MACROD2: variants seen among roughly 807,000 people sequenced by gnomAD.
The protein encoded by MACROD2 is mono-ADP ribosylhydrolase 2.
A neutral mutation model predicts 70.4 loss-of-function variants in MACROD2; 36 were observed. That is an observed-to-expected ratio of 0.51 (90% CI 0.39 to 0.68). MACROD2 has a LOEUF of 0.68. Ranked by LOEUF, MACROD2 falls within the 30% of genes least tolerant of loss-of-function variation. The pLI is 0.00. For synonymous variants in MACROD2, 172 were observed against 178.8 expected (o/e 0.96, Z 0.30); for missense variants, 496 against 538.4 (o/e 0.92, Z 0.78).
At chr20:15,500,032 G>A (rs1254187236) in intron 8 of MACROD2, among the ~76,000 whole-genome samples, 185 bp downstream of exon 8, 1 of 152,150 alleles carries the variant, frequency 6.6e-6, no homozygotes, top group Non-Finnish European at 1.5e-5. Context: ...ATAGAATGCA[G>A]CAACTCTATT....
At chr20:15,595,903 T>C (rs1252237741) in intron 8 of MACROD2, among the ~76,000 whole-genome samples, 1 of 152,194 alleles carries the variant, frequency 6.6e-6, no homozygotes, top group East Asian at 1.9e-4. Flanking sequence ...AATTTAATAC[T>C]TAAAAACCCA....
At chr20:15,323,671 T>A (rs2077896300) in intron 6 of MACROD2, among the ~76,000 whole-genome samples, 1 of 152,168 alleles carries the variant, frequency 6.6e-6, no homozygotes, top group Non-Finnish European at 1.5e-5. Flanking sequence ...TTGCATTCTG[T>A]CTAATTGATT....
intron 8 of MACROD2, among the ~76,000 whole-genome samples, chr20:15,849,826 C>T (rs1291186550): frequency 4.6e-5 from 7 of 152,008 alleles, no homozygotes; most frequent in East Asian, 3.9e-4. Context: ...GTGACATGAG[C>T]GCTGCATGTG....
intron 5 of MACROD2, among the ~76,000 whole-genome samples, chr20:14,907,647 C>T (rs140304079): frequency 2.6e-5 from 4 of 152,132 alleles, no homozygotes; most frequent in East Asian, 3.9e-4. Flanking sequence ...GAATAGAAAG[C>T]GCAAAGACAA....
At chr20:16,048,049 T>A (rs2067407893) in intron 17 of MACROD2, among the ~76,000 whole-genome samples, 1 of 152,186 alleles carries the variant, frequency 6.6e-6, no homozygotes, top group Non-Finnish European at 1.5e-5. Flanking sequence ...CATGCAGTAA[T>A]AAACAAATTG....
intron 3 of MACROD2, among the ~76,000 whole-genome samples, chr20:14,196,146 A>C (rs2081430431): frequency 6.6e-6 from 1 of 152,032 alleles, no homozygotes; most frequent in Non-Finnish European, 1.5e-5. Context: ...CCCCCATCAC[A>C]CTGCCCTGTG....
At chr20:15,868,816 C>G (rs993428102) in intron 9 of MACROD2, among the ~76,000 whole-genome samples, 9 of 152,032 alleles carry the variant, frequency 5.9e-5, no homozygotes, top group Admixed American at 5.9e-4. Flanking sequence ...ACTCTGTCAT[C>G]TAGACTGGAG....
At chr20:15,168,003 C>G (rs2076397130) in intron 5 of MACROD2, among the ~76,000 whole-genome samples, 1 of 152,172 alleles carries the variant, frequency 6.6e-6, no homozygotes, top group African/African-American at 2.4e-5. Context: ...CCCCACACCT[C>G]TCTCAATCAT....
chr20:14,965,579 G>A (rs2074628212), intron 5 of MACROD2, among the ~76,000 whole-genome samples: 1 of 141,478 alleles, frequency 7.1e-6, no homozygotes, highest in South Asian at 2.3e-4. Context: ...TCCTGACTCA[G>A]CCTCCCTAGT....
At chr20:16,035,144 TATATATAAA>T (rs2067212997) in intron 15 of MACROD2, among the ~76,000 whole-genome samples, 1 of 40,366 alleles carries the variant, frequency 2.5e-5, no homozygotes, top group African/African-American at 5.9e-5. Context: ...TATTATATAT[TATATATAAA>T]ATATAATATA....
intron 5 of MACROD2, among the ~76,000 whole-genome samples, chr20:15,137,604 A>G (rs2076159605): frequency 1.3e-5 from 2 of 150,486 alleles, no homozygotes; most frequent in African/African-American, 4.9e-5. Context: ...GATATACCTA[A>G]TGCTACATGA....
At chr20:15,437,131 C>A (rs917706343) in intron 7 of MACROD2, among the ~76,000 whole-genome samples, 14 of 152,070 alleles carry the variant, frequency 9.2e-5, no homozygotes, top group African/African-American at 3.4e-4. Context: ...TTTATATATG[C>A]CTTTTCCTTT....
chr20:14,432,887 T>G (rs1288914987), intron 3 of MACROD2, among the ~76,000 whole-genome samples: 1 of 152,168 alleles, frequency 6.6e-6, no homozygotes, highest in African/African-American at 2.4e-5. Flanking sequence ...GGTGCAACTT[T>G]GAAGAATTGC....
At chr20:15,074,367 C>G (rs1389807203) in intron 5 of MACROD2, among the ~76,000 whole-genome samples, 1 of 152,162 alleles carries the variant, frequency 6.6e-6, no homozygotes, top group African/African-American at 2.4e-5. Context: ...CAGGGAGCTT[C>G]CAGATAGCTG....
chr20:15,644,082 C>A (rs931743653), intron 8 of MACROD2, among the ~76,000 whole-genome samples: 1 of 152,080 alleles, frequency 6.6e-6, no homozygotes, highest in East Asian at 1.9e-4. Context: ...TAACTCAGGG[C>A]AGGAATGTGC....
chr20:15,039,964 T>C (rs558434050), intron 5 of MACROD2, among the ~76,000 whole-genome samples: 3 of 152,258 alleles, frequency 2.0e-5, no homozygotes, highest in South Asian at 4.1e-4. Context: ...CACTTGTTAT[T>C]AAGGGGTCGA....
chr20:14,790,946 C>G (rs1424547628), intron 5 of MACROD2, among the ~76,000 whole-genome samples: 1 of 152,004 alleles, frequency 6.6e-6, no homozygotes, highest in Non-Finnish European at 1.5e-5. Flanking sequence ...AAAGAGAGAC[C>G]TAAGTGCTTG....
intron 5 of MACROD2, among the ~76,000 whole-genome samples, chr20:14,762,443 C>A (rs1462264541): frequency 1.3e-5 from 2 of 152,084 alleles, no homozygotes; most frequent in Non-Finnish European, 2.9e-5. Flanking sequence ...GTAAATAAAA[C>A]CATGCCAAAT....
At chr20:14,026,578 G>A (rs1044666961) in intron 2 of MACROD2, among the ~76,000 whole-genome samples, 1 of 152,158 alleles carries the variant, frequency 6.6e-6, no homozygotes, top group African/African-American at 2.4e-5. Context: ...GTCTGTAAAG[G>A]ATTTTATTTC....
Sources: gnomAD v4.1 joint callset for allele counts (sites outside exome capture counted in the v4.1 genomes callset) on GRCh38, gnomAD v4.1.1 for gene constraint, MANE v1.5 for transcripts, NCBI Gene and HGNC (gene_info 2026-07-23, HGNC 2026-07-21) for gene names.